Variants in TET3 observed in about 807,000 individuals in gnomAD.
TET3 encodes the protein methylcytosine dioxygenase TET3.
In TET3, 19 loss-of-function variants were observed where a neutral mutation model predicts 141.4. The ratio of observed to expected loss-of-function variants is 0.13; its 90% CI spans 0.09 to 0.20. The LOEUF (loss-of-function observed/expected upper bound fraction) is 0.20. Ranked by LOEUF, TET3 falls within the 10% of genes least tolerant of loss-of-function variation. The pLI is 1.00. For synonymous variants in TET3, 1,043 were observed against 980.9 expected, an observed-to-expected ratio of 1.06 and a Z score of -1.18; for missense variants, 1,874 against 2,356.9, an observed-to-expected ratio of 0.80 and a Z score of 4.24.
chr2:74,082,244 C>G (rs1354483330), intron 6 of TET3, among the ~76,000 whole-genome samples: 1 of 152,134 alleles, frequency 6.6e-6, no homozygotes, highest in Non-Finnish European at 1.5e-5. Context: ...AGCGATAAGT[C>G]CTGGTCAGGG....
intron 3 of TET3, among the ~76,000 whole-genome samples, chr2:74,026,955 C>A (rs1686399111): frequency 6.6e-6 from 1 of 152,244 alleles, no homozygotes; most frequent in Non-Finnish European, 1.5e-5. Flanking sequence ...CTCCTACTGT[C>A]CCCTGCAGTG....
intron 6 of TET3, among the ~76,000 whole-genome samples, chr2:74,080,856 C>T (rs957044896): frequency 8.5e-5 from 13 of 152,164 alleles, no homozygotes; most frequent in Admixed American, 8.5e-4. Flanking sequence ...TTGGGTCAGC[C>T]TTGGAACTGT....
At chr2:74,062,176 C>T (rs1056936929) in intron 4 of TET3, among the ~76,000 whole-genome samples, 13 of 152,190 alleles carry the variant, frequency 8.5e-5, no homozygotes, top group Non-Finnish European at 1.8e-4. Flanking sequence ...CCCGGCACCT[C>T]GGGAGGCCGA....
chr2:74,016,910 A>C (rs4328662), intron 3 of TET3, among the ~76,000 whole-genome samples: 46,459 of 151,768 alleles, frequency 0.31, 7,606 homozygotes, highest in African/African-American at 0.4. Context: ...GGTAATGAGA[A>C]TATCCATCAC....
rs554288636 is a variant in TET3 at position 73,991,164 on chromosome 2, G to C, written c.303+4458G>C. Among the ~76,000 whole-genome samples the C allele has an allele frequency of 2.5e-4, 4 of 16,274 alleles. No individual in the cohort carries two copies. In the African/African-American group the frequency reaches 3.4e-3, roughly 14 times the overall value. The allele number at this position is 16,274 out of a possible 152,430, so 10.7% of individuals were successfully genotyped here. A position where few individuals can be genotyped will look rare whatever the true frequency, so the allele number is the denominator to read the frequency against. The stretch of plus-strand genomic sequence containing the variant: ...TCGCTATTTTGCCCAGGCTGGTCTT[G>C]AACTGGTGAATTACAATTTTTATGG... On this transcript the variant is annotated intron_variant, in intron 2 of 11. Coordinates refer to ENST00000409262, the MANE Select transcript of TET3 (RefSeq NM_001287491.2).
At chr2:74,063,261 G>A (rs557615954) in intron 4 of TET3, among the ~76,000 whole-genome samples, 3 of 151,640 alleles carry the variant, frequency 2.0e-5, no homozygotes, top group Non-Finnish European at 4.4e-5. Flanking sequence ...TTGTCCCACC[G>A]TTGGTGAAGC....
At chr2:74,090,363 A>T (rs1190075811) in intron 8 of TET3, among the ~76,000 whole-genome samples, 2 of 152,184 alleles carry the variant, frequency 1.3e-5, no homozygotes, top group African/African-American at 4.8e-5. Context: ...CTCAGAGGTC[A>T]TTTCTCCCCC....
intron 6 of TET3, among the ~76,000 whole-genome samples, chr2:74,086,376 G>A (rs981360612): frequency 8.0e-5 from 12 of 149,584 alleles, no homozygotes; most frequent in Non-Finnish European, 1.2e-4. Context: ...CAGGGCTCTC[G>A]CTTAAAAAAA....
At chr2:74,006,756 T>A (rs1485176876) in intron 3 of TET3, among the ~76,000 whole-genome samples, 1 of 152,216 alleles carries the variant, frequency 6.6e-6, no homozygotes, top group African/African-American at 2.4e-5. Flanking sequence ...TTAAGTCCTC[T>A]TTCCTACCCT....
chr2:74,081,260 T>C (rs1689806239), intron 6 of TET3, among the ~76,000 whole-genome samples: 1 of 152,158 alleles, frequency 6.6e-6, no homozygotes, highest in South Asian at 2.1e-4. Flanking sequence ...GGGAGATCTT[T>C]AAATAGCAGA....
At position 74,002,223 on chromosome 2, in the gene TET3, A is replaced by G. The variant is rs568084374; in HGVS notation, c.304-887A>G. ...TATCACCTCATTTGCAGAATGGAGT[A>G]AAGGTTCGTGCTGCCTGGGCTTTTT... is the stretch of plus-strand genomic sequence containing the variant. On this transcript the variant is annotated intron_variant, in intron 2 of 11. Transcript: ENST00000409262. Among the ~76,000 whole-genome samples, 20 of 152,288 alleles carry G rather than the reference A, an allele frequency of 1.3e-4. No homozygotes were observed. In the East Asian group the frequency reaches 3.7e-3, roughly 28 times the overall value.
the TET3 span, among the ~76,000 whole-genome samples, chr2:74,133,868 C>A: frequency 6.6e-6 from 1 of 152,186 alleles, no homozygotes; most frequent in Non-Finnish European, 1.5e-5. Flanking sequence ...CCTCAGCCTC[C>A]TGAGTAGCTG....
chr2:74,118,161 TAA>T, the TET3 span, among the ~76,000 whole-genome samples: 1 of 152,254 alleles, frequency 6.6e-6, no homozygotes. Context: ...CATACTATAG[TAA>T]AAAGTGATCT....
chr2:74,122,765 G>T, the TET3 span, among the ~76,000 whole-genome samples: 1 of 138,660 alleles, frequency 7.2e-6, no homozygotes, highest in Admixed American at 7.9e-5. Context: ...TCACCTTGTT[G>T]GCCAGGATGG....
In TET3 at chr2:73,995,554, A is replaced by T. The variant is rs79012071; in HGVS notation, c.304-7556A>T. ...CCCTCTAATATAGTTGCCATCGGCC[A>T]CAGGTAGCTATTTAAATTTAAATTA... On this transcript the variant is annotated intron_variant, in intron 2 of 11. Transcript: ENST00000409262. Among the ~76,000 whole-genome samples, 318 of 152,344 alleles carry T rather than the reference A, an allele frequency of 2.1e-3. 2 individuals carry two copies. The highest frequency in any genetic ancestry group is 7.0e-3 in the African/African-American group (291 of 41,580).
the TET3 span, among the ~76,000 whole-genome samples, chr2:74,126,018 T>C: frequency 6.6e-6 from 1 of 152,224 alleles, no homozygotes; most frequent in East Asian, 1.9e-4. Flanking sequence ...CCTCAGCCTC[T>C]GAGTAGCTGG....
rs936345282 is a variant in TET3 at position 74,106,469 on chromosome 2, A to G, written c.*4293A>G. ...AGACATCTCTGGGAGTCCCAAGGGC[A>G]CACCAAGGGAGACCAGATGGATCTC... On this transcript the variant is annotated 3_prime_UTR_variant, in exon 12 of 12. Transcript: ENST00000409262. 13 of 153,852 alleles carry G rather than the reference A, an allele frequency of 8.4e-5. No homozygotes were observed. The highest frequency in any genetic ancestry group is 2.4e-4 in the African/African-American group (10 of 41,550). The allele number at this position is 153,852 out of a possible 1,614,324, so 9.5% of individuals were successfully genotyped here.
chr2:74,109,637 T>G (rs777164559), downstream of TET3, among the ~76,000 whole-genome samples: 1 of 152,194 alleles, frequency 6.6e-6, no homozygotes, highest in Non-Finnish European at 1.5e-5. Context: ...TGCAGTAAAT[T>G]CCCCTCTGCC....
chr2:74,102,122 C>G lies in TET3; in HGVS notation c.5334C>G (p.Thr1778=), dbSNP rs772863069. 1 of 1,489,122 alleles carries G rather than the reference C, an allele frequency of 6.7e-7. No homozygotes were observed. The highest frequency in any genetic ancestry group is 2.4e-5 in the East Asian group (1 of 42,506). 92.2% of individuals were successfully genotyped at this position (1,489,122 alleles called of 1,614,324 possible). ...CTGTGCCCACAGACTCGGCGGTCAC[C>G]GTGTCCTCCTATGCCTACACGAAGG... ...ALAVPTDSAV[T]VSSYAYTKVT... The change falls in exon 12 of 12, where the codon ACC becomes ACG. Residue 1778 remains threonine (T), a synonymous_variant. Transcript: ENST00000409262.
Sources: gnomAD v4.1 joint callset for allele counts (sites outside exome capture counted in the v4.1 genomes callset) on GRCh38, gnomAD v4.1.1 for gene constraint, MANE v1.5 for transcripts, NCBI Gene and HGNC (gene_info 2026-07-23, HGNC 2026-07-21) for gene names.